The following RAVER2 variants were observed in gnomAD, a reference collection of about 807,000 sequenced individuals.
RAVER2 encodes the protein ribonucleoprotein PTB-binding 2.
In RAVER2, 46 loss-of-function variants were observed where a neutral mutation model predicts 78.1. That is an observed-to-expected ratio of 0.59 (90% CI 0.46 to 0.75). The LOEUF (loss-of-function observed/expected upper bound fraction) is 0.75, where lower values mean the gene tolerates loss of function less well. Ranked by LOEUF, RAVER2 falls within the 30% of genes least tolerant of loss-of-function variation. The pLI is 0.00. For synonymous variants in RAVER2, 311 were observed against 313.3 expected, an observed-to-expected ratio of 0.99 and a Z score of 0.08; for missense variants, 793 against 837.5, an observed-to-expected ratio of 0.95 and a Z score of 0.66.
chr1:64,751,470 C>G (rs186345948), intron 1 of RAVER2, among the ~76,000 whole-genome samples: 1 of 151,558 alleles, frequency 6.6e-6, no homozygotes, highest in Non-Finnish European at 1.5e-5. Flanking sequence ...GAAGTCAACT[C>G]TGATCAAAGG....
At chr1:64,790,611 G>A (rs1652911037) in intron 5 of RAVER2, among the ~76,000 whole-genome samples, 1 of 152,118 alleles carries the variant, frequency 6.6e-6, no homozygotes, top group Non-Finnish European at 1.5e-5. Flanking sequence ...CAGTAAGAAT[G>A]TATTTTCTAT....
chr1:64,806,324 T>G (rs1268565715), intron 8 of RAVER2, among the ~76,000 whole-genome samples: 1 of 152,094 alleles, frequency 6.6e-6, no homozygotes, highest in Non-Finnish European at 1.5e-5. Context: ...GGTGGGAGAA[T>G]CACCTAAGCC....
At chr1:64,765,486 C>T (rs1368652769) in intron 1 of RAVER2, among the ~76,000 whole-genome samples, 1 of 152,086 alleles carries the variant, frequency 6.6e-6, no homozygotes, top group Non-Finnish European at 1.5e-5. Context: ...AATATTGAGT[C>T]TAAGAATCAA....
At chr1:64,781,723 G>A in intron 4 of RAVER2, 152 bp downstream of exon 4, 3 of 822,842 alleles carry the variant, frequency 3.6e-6, no homozygotes, top group South Asian at 3.3e-5. Flanking sequence ...TTTAAAAAAG[G>A]TTAGCTAAAT....
chr1:64,758,745 A>G (rs904947890), intron 1 of RAVER2, among the ~76,000 whole-genome samples: 1 of 152,178 alleles, frequency 6.6e-6, no homozygotes. Flanking sequence ...GAGACCCTAA[A>G]CAGAAAACCC....
chr1:64,745,205 G>C lies in RAVER2; in HGVS notation c.33G>C (p.Glu11Asp), dbSNP rs979578099. 18 of 1,045,336 alleles carry C rather than the reference G, an allele frequency of 1.7e-5. No individual in the cohort carries two copies. Among genetic ancestry groups the C allele is most frequent in the Non-Finnish European group, 2.0e-5 (17 of 870,450 alleles). 64.8% of individuals were successfully genotyped at this position (1,045,336 alleles called of 1,614,324 possible). Residue 11 changes from glutamate to aspartate, a missense_variant, in exon 1 of 12, where the codon GAG becomes GAC. Glu to Asp is a conservative substitution (Grantham distance 45). Transcript: ENST00000294428. The surrounding 1 kb of genome is among the most constrained non-coding windows in gnomAD (Gnocchi z 4.3). ...CGGCGGCGGGAGACGGCGGCGGCGA[G>C]GGGGGCGCGGGCCTGGGCAGCGCGG...
chr1:64,789,949 G>T (rs1024250219), intron 5 of RAVER2, among the ~76,000 whole-genome samples: 2 of 152,182 alleles, frequency 1.3e-5, no homozygotes. Context: ...TTGTAAAATT[G>T]TTTCACTTTG....
chr1:64,827,484 A>G (rs1183111162), intron 11 of RAVER2, among the ~76,000 whole-genome samples: 3 of 152,204 alleles, frequency 2.0e-5, no homozygotes, highest in Non-Finnish European at 4.4e-5. Flanking sequence ...AACTATTCAT[A>G]GAGTGGTTTC....
At chr1:64,775,379 C>G (rs1652432381) in intron 2 of RAVER2, among the ~76,000 whole-genome samples, 1 of 152,186 alleles carries the variant, frequency 6.6e-6, no homozygotes, top group Admixed American at 6.5e-5. Context: ...AAATGTCTAG[C>G]TTCCCCTATT....
intron 9 of RAVER2, among the ~76,000 whole-genome samples, chr1:64,809,388 G>A (rs2765873): frequency 0.56 from 84,927 of 151,744 alleles, 25,587 homozygotes; most frequent in African/African-American, 0.8. Context: ...TGAAATGATT[G>A]GTTTAACTTT....
chr1:64,781,514 T>C, exon 4 of RAVER2: 3 of 1,614,198 alleles, frequency 1.9e-6, no homozygotes, highest in East Asian at 2.2e-5. Flanking sequence ...TTTCCTTCTG[T>C]GCTCCTGGAG....
intron 2 of RAVER2, among the ~76,000 whole-genome samples, chr1:64,776,288 G>A (rs931815303): frequency 4.6e-5 from 7 of 152,176 alleles, no homozygotes; most frequent in African/African-American, 1.7e-4. Context: ...TTTAATAAGG[G>A]CAGTAAAGCC....
intron 11 of RAVER2, among the ~76,000 whole-genome samples, chr1:64,817,454 G>A (rs968548621): frequency 6.6e-6 from 1 of 152,116 alleles, no homozygotes; most frequent in Admixed American, 6.6e-5. Flanking sequence ...ACATGCACAC[G>A]TATGTTTATA....
chr1:64,820,963 C>T (rs189747466), intron 11 of RAVER2, among the ~76,000 whole-genome samples: 4 of 152,250 alleles, frequency 2.6e-5, no homozygotes, highest in African/African-American at 4.8e-5. Context: ...CTGTTTTTAG[C>T]TCTTTGAGGT....
At chr1:64,831,933 C>CAA (rs1654149380) in exon 12 of RAVER2, 1 of 152,168 alleles carries the variant, frequency 6.6e-6, no homozygotes, top group African/African-American at 2.4e-5. Context: ...GTATGGCCTA[C>CAA]AAAGACCATA....
rs187554137 is a variant in RAVER2 at position 64,767,275 on chromosome 1, G to A, written c.250-1381G>A. Among the ~76,000 whole-genome samples the A allele has an allele frequency of 1.3e-3, 199 of 152,036 alleles. 3 individuals are homozygous for A. Among genetic ancestry groups the A allele is most frequent in the Admixed American group, 9.6e-3 (147 of 15,264 alleles). On this transcript the variant is annotated intron_variant, in intron 1 of 11. Transcript: ENST00000294428. ...TACTTATTAGGGCACTCGTGGTATTGTTTTTATAACTGTTAATGATAGTGT... is the reference window on the plus strand; with the variant it reads ...TACTTATTAGGGCACTCGTGGTATTATTTTTATAACTGTTAATGATAGTGT...
intron 5 of RAVER2, among the ~76,000 whole-genome samples, chr1:64,793,372 A>G (rs1652998379): frequency 6.6e-6 from 1 of 152,120 alleles, no homozygotes; most frequent in Non-Finnish European, 1.5e-5. Flanking sequence ...CCCAGGTCCA[A>G]TTTTGATTAT....
chr1:64,787,416 A>C (rs971616440), intron 4 of RAVER2, among the ~76,000 whole-genome samples: 1 of 152,198 alleles, frequency 6.6e-6, no homozygotes, highest in Non-Finnish European at 1.5e-5. Flanking sequence ...ACCTCAGGGC[A>C]GAGAAGTTCT....
In RAVER2 at chr1:64,768,730, T is replaced by A; in HGVS notation, c.316+8T>A. ...ACAGAAATAAACGAACAGGTAAGAT[T>A]TCTATTCTAAGTGTCTAATTTCATT... On this transcript the variant is annotated splice_region_variant and intron_variant, in intron 2 of 11. Transcript: ENST00000294428. The A allele has an allele frequency of 6.7e-7, 1 of 1,484,322 alleles. No individual in the cohort carries two copies. The highest frequency in any genetic ancestry group is 9.4e-7 in the Non-Finnish European group (1 of 1,066,844). 91.9% of individuals were successfully genotyped at this position (1,484,322 alleles called of 1,614,324 possible). A position where few individuals can be genotyped will look rare whatever the true frequency, so the allele number is the denominator to read the frequency against.
Sources: gnomAD v4.1 joint callset for allele counts (sites outside exome capture counted in the v4.1 genomes callset) on GRCh38, gnomAD v4.1.1 for gene constraint, Gnocchi (gnomAD v3.1) non-coding constraint, MANE v1.5 for transcripts, NCBI Gene and HGNC (gene_info 2026-07-23, HGNC 2026-07-21) for gene names.